Variants in XKR9 observed in about 807,000 individuals in gnomAD.
XKR9 encodes the protein XK related 9, also known as XK-related protein 9.
XKR9 carries 32 observed loss-of-function variants against 32.0 expected under a neutral mutation model. The observed-to-expected ratio is 1.00, with a 90% confidence interval of 0.76 to 1.34. XKR9 has a LOEUF of 1.34. XKR9 is among the 40% of genes most tolerant of loss of function. XKR9 has a pLI of 0.00. For missense variants in XKR9, 546 were observed against 429.7 expected (o/e 1.27, Z -2.39); for synonymous variants, 168 against 143.4 (o/e 1.17, Z -1.22).
At chr8:70,842,815 G>A in the XKR9 span, among the ~76,000 whole-genome samples, 933 of 152,268 alleles carry the variant, frequency 6.1e-3, 11 homozygotes, top group African/African-American at 0.021. Flanking sequence ...CCATCTTCAA[G>A]AGGCCAACAT....
At chr8:71,030,848 A>G in the XKR9 span, among the ~76,000 whole-genome samples, 1 of 152,182 alleles carries the variant, frequency 6.6e-6, no homozygotes, top group South Asian at 2.1e-4. Flanking sequence ...ACCTTATAGG[A>G]GAAATCTTGA....
intron 3 of XKR9, among the ~76,000 whole-genome samples, chr8:70,684,894 C>T (rs1223307319): frequency 2.1e-5 from 3 of 145,144 alleles, no homozygotes; most frequent in Non-Finnish European, 4.5e-5. Context: ...TACACTGTTG[C>T]TGGGACTGTA....
chr8:70,732,406 G>T (rs1806701277), intron 4 of XKR9, among the ~76,000 whole-genome samples: 1 of 152,216 alleles, frequency 6.6e-6, no homozygotes, highest in African/African-American at 2.4e-5. Context: ...GCAGCACCCT[G>T]CCAAGAGTAG....
chr8:70,837,347 T>C, the XKR9 span, among the ~76,000 whole-genome samples: 1 of 152,220 alleles, frequency 6.6e-6, no homozygotes, highest in East Asian at 1.9e-4. Flanking sequence ...GTTTAAGACA[T>C]AGTTTCTAAA....
the XKR9 span, among the ~76,000 whole-genome samples, chr8:71,033,619 GGTGA>G: frequency 6.6e-6 from 1 of 152,120 alleles, no homozygotes; most frequent in African/African-American, 2.4e-5. Context: ...ATCCTGAGGT[GGTGA>G]GTGAGTTGTT....
At chr8:70,831,705 G>A in the XKR9 span, among the ~76,000 whole-genome samples, 1 of 151,992 alleles carries the variant, frequency 6.6e-6, no homozygotes, top group Non-Finnish European at 1.5e-5. Context: ...TAGATGTTTA[G>A]ATCCAGGATG....
the XKR9 span, among the ~76,000 whole-genome samples, chr8:71,034,209 GTGA>G: frequency 6.6e-6 from 1 of 152,098 alleles, no homozygotes; most frequent in African/African-American, 2.4e-5. Flanking sequence ...CTCATGGAAG[GTGA>G]TTAGATCATG....
the XKR9 span, among the ~76,000 whole-genome samples, chr8:70,820,819 C>A: frequency 7.0e-4 from 107 of 152,248 alleles, no homozygotes; most frequent in South Asian, 0.022. Flanking sequence ...ATTATGTCCA[C>A]CTGATCTCTT....
At chr8:70,838,537 G>C in the XKR9 span, among the ~76,000 whole-genome samples, 1 of 151,998 alleles carries the variant, frequency 6.6e-6, no homozygotes, top group African/African-American at 2.4e-5. Context: ...TGCCAGATAG[G>C]TGTCATTATC....
chr8:70,993,935 C>T, the XKR9 span, among the ~76,000 whole-genome samples: 1 of 152,110 alleles, frequency 6.6e-6, no homozygotes, highest in Non-Finnish European at 1.5e-5. Flanking sequence ...AAGCCATCCC[C>T]ATGTCTGCAG....
intron 4 of XKR9, among the ~76,000 whole-genome samples, chr8:70,708,154 T>G (rs1482828092): frequency 1.3e-5 from 2 of 152,062 alleles, no homozygotes; most frequent in African/African-American, 4.8e-5. Flanking sequence ...AGATCTCTAT[T>G]GTGTATGAGA....
chr8:70,874,228 C>A, the XKR9 span, among the ~76,000 whole-genome samples: 1 of 152,054 alleles, frequency 6.6e-6, no homozygotes, highest in Non-Finnish European at 1.5e-5. Flanking sequence ...TGGCATTGAA[C>A]CTGCAATATC....
chr8:70,866,004 A>G, the XKR9 span, among the ~76,000 whole-genome samples: 1 of 152,208 alleles, frequency 6.6e-6, no homozygotes, highest in African/African-American at 2.4e-5. Context: ...TTACTCTGTA[A>G]TATACCTTGA....
the XKR9 span, among the ~76,000 whole-genome samples, chr8:70,963,648 A>G: frequency 0.11 from 17,429 of 152,232 alleles, 1,187 homozygotes; most frequent in African/African-American, 0.19. Context: ...TGACTTTTTA[A>G]CAATAGCCAT....
At chr8:70,920,840 T>C in the XKR9 span, among the ~76,000 whole-genome samples, 1 of 152,238 alleles carries the variant, frequency 6.6e-6, no homozygotes, top group Non-Finnish European at 1.5e-5. Context: ...CCTTTTTCTT[T>C]TTTAAATTAA....
At chr8:71,003,744 T>C in the XKR9 span, among the ~76,000 whole-genome samples, 2 of 152,246 alleles carry the variant, frequency 1.3e-5, no homozygotes, top group Admixed American at 1.3e-4. Flanking sequence ...AACAAAGTTA[T>C]CCACTTTACA....
intron 2 of XKR9, among the ~76,000 whole-genome samples, chr8:70,772,158 C>T (rs1252617192): frequency 6.6e-6 from 1 of 152,080 alleles, no homozygotes; most frequent in Non-Finnish European, 1.5e-5. Context: ...AATGCATTTT[C>T]TTTACTAGAA....
At chr8:70,839,690 AC>A in the XKR9 span, among the ~76,000 whole-genome samples, 1 of 152,146 alleles carries the variant, frequency 6.6e-6, no homozygotes, top group African/African-American at 2.4e-5. Flanking sequence ...TGTCTAATCA[AC>A]AGAGAAGACA....
At chr8:70,686,864 A>G (rs770761691) in intron 3 of XKR9, among the ~76,000 whole-genome samples, 6 of 152,086 alleles carry the variant, frequency 3.9e-5, no homozygotes, top group Non-Finnish European at 8.8e-5. Context: ...TATGGAGTAC[A>G]TGTAATGTTT....
Sources: gnomAD v4.1 joint callset for allele counts (sites outside exome capture counted in the v4.1 genomes callset) on GRCh38, gnomAD v4.1.1 for gene constraint, MANE v1.5 for transcripts, NCBI Gene and HGNC (gene_info 2026-07-23, HGNC 2026-07-21) for gene names.